PDE4B: variants seen among roughly 807,000 people sequenced by gnomAD.
PDE4B encodes the protein 3',5'-cyclic-AMP phosphodiesterase 4B.
Under a neutral mutation model 82.2 loss-of-function variants are expected in PDE4B, and 20 were observed. That is an observed-to-expected ratio of 0.24 (90% CI 0.17 to 0.35). The LOEUF (loss-of-function observed/expected upper bound fraction) is 0.35. PDE4B is among the 10% of genes least tolerant of loss of function. The pLI is 1.00. For synonymous variants in PDE4B, 320 were observed against 318.9 expected (o/e 1.00, Z -0.04); for missense variants, 655 against 907.2 (o/e 0.72, Z 3.57).
At chr1:65,998,722 C>T (rs1422233391) in intron 3 of PDE4B, among the ~76,000 whole-genome samples, 1 of 152,042 alleles carries the variant, frequency 6.6e-6, no homozygotes, top group East Asian at 1.9e-4. Flanking sequence ...GTAGATAGTA[C>T]TAGCTGGTAC....
intron 3 of PDE4B, among the ~76,000 whole-genome samples, chr1:65,944,022 A>G (rs139412966): frequency 6.6e-6 from 1 of 151,982 alleles, no homozygotes; most frequent in African/African-American, 2.4e-5. Context: ...GTCCAGCAGC[A>G]TGTTGAATAG....
At chr1:66,089,644 T>C (rs948740389) in intron 3 of PDE4B, among the ~76,000 whole-genome samples, 1 of 152,106 alleles carries the variant, frequency 6.6e-6, no homozygotes, top group Non-Finnish European at 1.5e-5. Flanking sequence ...GTCACCTTGC[T>C]ACGACTGCAT....
rs1553196107 is a variant in PDE4B, at chr1:65,887,247, T to TTTTTC, written c.-70-25995_-70-25994insTCTTT. On this transcript the variant is annotated intron_variant, in intron 1 of 16. Coordinates refer to ENST00000341517, the MANE Select transcript of PDE4B (RefSeq NM_002600.4). ...CTTTCTTTCTTTCTTTCTTTCTTTC[T>TTTTTC]TTTCTTTCTTTCTTTCCTTCCTTCT... 6.7e-3 allele frequency among the ~76,000 whole-genome samples: 254 copies of TTTTTC among 37,728 alleles called. 14 individuals are homozygous for TTTTTC. The highest frequency in any genetic ancestry group is 0.025 in the African/African-American group (240 of 9,446). The allele number at this position is 37,728 out of a possible 152,430, so 24.8% of individuals were successfully genotyped here. A position where few individuals can be genotyped will look rare whatever the true frequency, so the allele number is the denominator to read the frequency against.
intron 3 of PDE4B, among the ~76,000 whole-genome samples, chr1:65,989,661 C>T (rs1466902561): frequency 5.9e-5 from 9 of 152,052 alleles, no homozygotes; most frequent in Non-Finnish European, 7.4e-5. Flanking sequence ...ATACATGAAC[C>T]GGAAGGTTTT....
chr1:65,853,768 T>A (rs1266917394), intron 1 of PDE4B, among the ~76,000 whole-genome samples: 1 of 152,128 alleles, frequency 6.6e-6, no homozygotes, highest in African/African-American at 2.4e-5. Flanking sequence ...GACCTCGTGA[T>A]CCGCCCACCT....
rs1652726738 is a variant in PDE4B, at chr1:66,239,638, G to A, written c.282-7822G>A. On this transcript the variant is annotated intron_variant, in intron 3 of 16. Coordinates refer to ENST00000341517, the MANE Select transcript of PDE4B (RefSeq NM_002600.4). ...GCTCCTATATTTATGAAGAGGGAAT[G>A]TTTACATATGGTCTTGTTCTGCTTG... Among the ~76,000 whole-genome samples, 4 of 152,310 alleles carry A rather than the reference G, an allele frequency of 2.6e-5. No homozygotes were observed. The South Asian group carries it at 8.3e-4, about 32-fold the overall frequency.
chr1:66,218,888 T>G (rs1376939159), intron 3 of PDE4B, among the ~76,000 whole-genome samples: 1 of 152,172 alleles, frequency 6.6e-6, no homozygotes, highest in Non-Finnish European at 1.5e-5. Flanking sequence ...TTAAAAAAGC[T>G]GTTTTATTGG....
intron 7 of PDE4B, among the ~76,000 whole-genome samples, chr1:66,308,832 A>C (rs1658468287): frequency 6.6e-6 from 1 of 152,210 alleles, no homozygotes; most frequent in African/African-American, 2.4e-5. Flanking sequence ...GGGCAACTTG[A>C]CAGATACATT....
chr1:66,315,743 T>C (rs1206155389), intron 7 of PDE4B, among the ~76,000 whole-genome samples: 1 of 152,220 alleles, frequency 6.6e-6, no homozygotes, highest in Non-Finnish European at 1.5e-5. Flanking sequence ...ATTTATTAAA[T>C]GCTTGCTGTT....
At chr1:65,983,059 T>G (rs935164150) in intron 3 of PDE4B, among the ~76,000 whole-genome samples, 3 of 152,194 alleles carry the variant, frequency 2.0e-5, no homozygotes, top group Non-Finnish European at 4.4e-5. Flanking sequence ...AGAGGATTAT[T>G]CTCAAGCCTC....
intron 2 of PDE4B, among the ~76,000 whole-genome samples, chr1:65,917,966 C>A (rs960732072): frequency 6.6e-6 from 1 of 152,172 alleles, no homozygotes; most frequent in South Asian, 2.1e-4. Context: ...GAGTTTGAGA[C>A]CAGCCTGGCC....
At chr1:65,839,442 C>A (rs1646182104) in intron 1 of PDE4B, among the ~76,000 whole-genome samples, 1 of 152,000 alleles carries the variant, frequency 6.6e-6, no homozygotes, top group Admixed American at 6.6e-5. Context: ...CTGACAGGCC[C>A]CTGTGTGTGA....
At chr1:66,326,987 C>T (rs1262883937) in intron 7 of PDE4B, among the ~76,000 whole-genome samples, 2 of 152,206 alleles carry the variant, frequency 1.3e-5, no homozygotes, top group Non-Finnish European at 2.9e-5. Context: ...GCACAGATTG[C>T]AGGGCCAGCT....
intron 3 of PDE4B, among the ~76,000 whole-genome samples, chr1:66,045,565 T>C (rs535391612): frequency 6.6e-6 from 1 of 151,910 alleles, no homozygotes; most frequent in African/African-American, 2.4e-5. Flanking sequence ...AGGAAATTCA[T>C]GAAGCATTGA....
At chr1:66,050,822 A>G (rs1654984125) in intron 3 of PDE4B, 1 of 152,276 alleles carries the variant, frequency 6.6e-6, no homozygotes, top group Admixed American at 6.6e-5. Context: ...TACTATAGAA[A>G]CAAATGCTGC....
At chr1:66,042,300 A>G (rs1460093109) in intron 3 of PDE4B, among the ~76,000 whole-genome samples, 3 of 151,888 alleles carry the variant, frequency 2.0e-5, no homozygotes, top group Non-Finnish European at 4.4e-5. Flanking sequence ...AAGCTAGATT[A>G]CTATGACTTA....
intron 1 of PDE4B, among the ~76,000 whole-genome samples, chr1:65,837,091 GTT>G (rs879623685): frequency 2.8e-5 from 4 of 143,048 alleles, no homozygotes; most frequent in African/African-American, 1.0e-4. Flanking sequence ...GCCAGCACCA[GTT>G]TTTTTTTTTT....
intron 3 of PDE4B, chr1:66,042,835 A>C (rs1159197665): frequency 1.3e-5 from 2 of 151,824 alleles, no homozygotes; most frequent in Non-Finnish European, 2.9e-5. Context: ...ATTACTTAAA[A>C]ATTTTTGACT....
intron 8 of PDE4B, among the ~76,000 whole-genome samples, chr1:66,336,683 C>T (rs145060528): frequency 2.1e-4 from 32 of 148,964 alleles, no homozygotes; most frequent in South Asian, 4.3e-4. Flanking sequence ...TAGGACTTAG[C>T]ACTTGAGTAA....
Sources: gnomAD v4.1 joint callset for allele counts (sites outside exome capture counted in the v4.1 genomes callset) on GRCh38, gnomAD v4.1.1 for gene constraint, MANE v1.5 for transcripts, NCBI Gene and HGNC (gene_info 2026-07-23, HGNC 2026-07-21) for gene names.